SGSH: variants seen among roughly 807,000 people sequenced by gnomAD.
SGSH encodes heparan sulfate sulfatase.
A neutral mutation model predicts 51.0 loss-of-function variants in SGSH; 48 were observed. That is an observed-to-expected ratio of 0.94 (90% CI 0.75 to 1.20). The LOEUF (loss-of-function observed/expected upper bound fraction) is 1.20. Among genes scored for constraint, SGSH ranks in the 50% most tolerant of loss-of-function variants. SGSH has a pLI of 0.00. For synonymous variants in SGSH, 321 were observed against 313.4 expected, an observed-to-expected ratio of 1.02 and a Z score of -0.26; for missense variants, 662 against 717.8, an observed-to-expected ratio of 0.92 and a Z score of 0.89.
intron 7 of SGSH, chr17:80,211,680 C>A: frequency 2.8e-6 from 1 of 352,964 alleles, no homozygotes; most frequent in South Asian, 2.3e-5. Flanking sequence ...ATCGGCATCA[C>A]CTGGGAACTT....
At chr17:80,206,244 C>T (rs900670298), downstream of SGSH, among the ~76,000 whole-genome samples, 3 of 152,156 alleles carry the variant, frequency 2.0e-5, no homozygotes, top group African/African-American at 4.8e-5. Flanking sequence ...GTGGGAGGAT[C>T]GCTTGAGCCC....
chr17:80,206,493 C>A (rs1315473987), downstream of SGSH, among the ~76,000 whole-genome samples: 1 of 152,174 alleles, frequency 6.6e-6, no homozygotes, highest in Admixed American at 6.5e-5. Context: ...GGGCCGGGTG[C>A]GGTGGCTCAC....
chr17:80,202,061 C>T, downstream of SGSH: 1 of 1,210,234 alleles, frequency 8.3e-7, no homozygotes, highest in Non-Finnish European at 1.2e-6. Context: ...GACTCCAGTG[C>T]CAGAGCAGCT....
Position 80,215,035 on chromosome 17 carries a change from G to A in SGSH, c.353C>T (p.Thr118Ile), listed in dbSNP as rs781299370. The A allele has an allele frequency of 1.9e-6, 3 of 1,609,652 alleles. No homozygotes were observed. Among genetic ancestry groups the A allele is most frequent in the Non-Finnish European group, 1.7e-6 (2 of 1,179,404 alleles). ...TGTCCTCGGCACGGGGTCCTCACCT[G>A]TGCGCACACCAGCTTGGCTGAGCAG... ...PLLLSQAGVR[T>I]GIIGKKHVGP... The change falls in exon 3 of 8, where the codon ACA becomes ATA. Residue 118 changes from threonine to isoleucine, a missense_variant and splice_region_variant. By Grantham distance (89) the Thr-to-Ile change is moderately conservative. Transcript: ENST00000326317.
chr17:80,211,757 G>A (rs2269375), intron 7 of SGSH: 197,907 of 435,238 alleles, frequency 0.45, 47,259 homozygotes, highest in African/African-American at 0.68. Context: ...TTTGCAATTT[G>A]GATATTAACA....
chr17:80,217,789 T>C (rs1393094229), intron 1 of SGSH, among the ~76,000 whole-genome samples: 1 of 151,834 alleles, frequency 6.6e-6, no homozygotes, highest in Non-Finnish European at 1.5e-5. Context: ...GTGGTTGGTA[T>C]GTTAGCAGGC....
downstream of SGSH, chr17:80,209,219 C>T: frequency 1.3e-6 from 1 of 753,598 alleles, no homozygotes; most frequent in Non-Finnish European, 1.6e-6. Context: ...GTCATTTTGA[C>T]AGCAGTGTCC....
At chr17:80,211,196 G>C in intron 7 of SGSH, 185 bp from the exon 8 acceptor site, 1 of 1,461,530 alleles carries the variant, frequency 6.8e-7, no homozygotes, top group Admixed American at 2.4e-5. Flanking sequence ...GCCTTGAATG[G>C]TATAACAAGA....
downstream of SGSH, chr17:80,207,193 A>G: frequency 1.5e-6 from 1 of 685,358 alleles, no homozygotes; most frequent in Non-Finnish European, 2.4e-6. Flanking sequence ...CAGGAAGCTG[A>G]GGCGCTGACA....
chr17:80,213,898 G>A lies in SGSH; in HGVS notation c.664-13C>T, dbSNP rs368107414. 3 of 1,598,990 alleles carry A rather than the reference G, an allele frequency of 1.9e-6. No homozygotes were observed. Among genetic ancestry groups the A allele is most frequent in the African/African-American group, 2.7e-5 (2 of 74,490 alleles). ...CGAAGTAAGGCACCTGGGGCAGGCG[G>A]TGGGGAGCCAGGCTTAGAACAGACA... is the stretch of plus-strand genomic sequence containing the variant. On this transcript the variant is annotated splice_polypyrimidine_tract_variant and intron_variant, in intron 5 of 7. Coordinates refer to ENST00000326317, the MANE Select transcript of SGSH (RefSeq NM_000199.5). The surrounding 1 kb of genome is among the most constrained non-coding windows in gnomAD (Gnocchi z 4.6).
intron 1 of SGSH, 133 bp downstream of exon 1, chr17:80,220,093 G>T: frequency 4.9e-6 from 3 of 617,010 alleles, no homozygotes; most frequent in Non-Finnish European, 8.1e-6. Context: ...AGAGGAGGAC[G>T]AGAGGGAATG....
downstream of SGSH, chr17:80,205,509 C>T (rs559322868): frequency 9.5e-6 from 15 of 1,577,196 alleles, no homozygotes; most frequent in African/African-American, 1.9e-4. Flanking sequence ...TCTATGATGG[C>T]CCCGTCCAAT....
chr17:80,219,954 G>A (rs2042078098), intron 1 of SGSH: 2 of 374,992 alleles, frequency 5.3e-6, no homozygotes, highest in Non-Finnish European at 9.6e-6. Flanking sequence ...CCCTGGCTGG[G>A]CAGGGTCAGA....
intron 2 of SGSH, 73 bp downstream of exon 2, chr17:80,216,959 G>T: frequency 7.2e-7 from 1 of 1,397,830 alleles, no homozygotes; most frequent in Non-Finnish European, 9.7e-7. Context: ...TGGGAGACGT[G>T]GCAGAGGCCT....
chr17:80,211,248 T>A, intron 7 of SGSH: 1 of 1,289,058 alleles, frequency 7.8e-7, no homozygotes, highest in Non-Finnish European at 1.0e-6. Context: ...TAAAATCCCA[T>A]GGACTGGAAA....
At position 80,210,622 on chromosome 17, in the gene SGSH, C is replaced by T. The variant is rs104894639; in HGVS notation, c.1339G>A (p.Glu447Lys). Residue 447 changes from glutamate to lysine, a missense_variant, in exon 8 of 8, where the codon GAG becomes AAG. Glu to Lys is a moderately conservative substitution (Grantham distance 56). Coordinates refer to ENST00000326317, the MANE Select transcript of SGSH (RefSeq NM_000199.5). ...ELYDRSRDPH[E>K]TQNLATDPRF... ...GGGTCGGTGGCCAGGTTCTGGGTCTCGTGGGGGTCCCGGCTCCGGTCGTAG... is the reference window on the plus strand; with the variant it reads ...GGGTCGGTGGCCAGGTTCTGGGTCTTGTGGGGGTCCCGGCTCCGGTCGTAG... 2.4e-5 allele frequency: 38 copies of T among 1,613,584 alleles called. No individual in the cohort carries two copies. In the Admixed American group the frequency reaches 3.0e-4, roughly 13 times the overall value.
At chr17:80,211,087 G>A (rs1388806774) in intron 7 of SGSH, 76 bp from the exon 8 acceptor site, 32 of 1,569,120 alleles carry the variant, frequency 2.0e-5, no homozygotes, top group South Asian at 1.1e-4. Flanking sequence ...CCGAACCTAC[G>A]CCACTCTGGG....
At chr17:80,204,949 A>AAGCAG (rs1180646804), downstream of SGSH, 28 of 1,210,576 alleles carry the variant, frequency 2.3e-5, no homozygotes, top group Non-Finnish European at 3.2e-5. Context: ...GCAGTGAGCA[A>AAGCAG]AGCAGACCCA....
At chr17:80,214,820 C>T in intron 3 of SGSH, 55 bp from the exon 4 acceptor site, 1 of 1,589,004 alleles carries the variant, frequency 6.3e-7, no homozygotes, top group Non-Finnish European at 8.6e-7. Context: ...ACCCTTTCTG[C>T]TCCCTTCTCT....
Sources: gnomAD v4.1 joint callset for allele counts (sites outside exome capture counted in the v4.1 genomes callset) on GRCh38, gnomAD v4.1.1 for gene constraint, Gnocchi (gnomAD v3.1) non-coding constraint, MANE v1.5 for transcripts, NCBI Gene and HGNC (gene_info 2026-07-23, HGNC 2026-07-21) for gene names.